TRRAP: variants seen among roughly 807,000 people sequenced by gnomAD.
TRRAP encodes the protein transformation/transcription domain associated protein, also known as transformation/transcription domain-associated protein.
In TRRAP, 41 loss-of-function variants were observed where a neutral mutation model predicts 438.8. The observed-to-expected ratio is 0.09, with a 90% CI of 0.07 to 0.12. The LOEUF (loss-of-function observed/expected upper bound fraction) is 0.12, where lower values mean the gene tolerates loss of function less well. Among genes scored for constraint, TRRAP ranks in the 10% least tolerant of loss-of-function variants. The probability of loss-of-function intolerance (pLI) is 1.00; values close to 1 mark genes in which losing one functional copy is unlikely to be tolerated. For missense variants in TRRAP, 3,122 were observed against 5,055.1 expected, an observed-to-expected ratio of 0.62 and a Z score of 11.60; for synonymous variants, 1,994 against 1,962.9, an observed-to-expected ratio of 1.02 and a Z score of -0.42.
chr7:98,962,560 C>T, intron 47 of TRRAP, 133 bp downstream of exon 47: 1 of 1,529,486 alleles, frequency 6.5e-7, no homozygotes. Flanking sequence ...GTTCAGGTGT[C>T]TGTTGCCTGG....
In TRRAP at chr7:99,006,961, G is replaced by A. The variant is rs996581733; in HGVS notation, c.10754-1416G>A. ...ACAGGCTCTGGAGTGGTCGCCCAGC[G>A]CTCCTGCCGCCTCCAGCTGACTCAG... On this transcript the variant is annotated intron_variant, in intron 69 of 72. Coordinates refer to ENST00000456197, the MANE Select transcript of TRRAP (RefSeq NM_001375524.1). Among the ~76,000 whole-genome samples the A allele has an allele frequency of 3.9e-5, 6 of 152,200 alleles. No homozygotes were observed. The East Asian group carries it at 5.8e-4, about 15-fold the overall frequency.
At chr7:98,999,912 C>T in intron 67 of TRRAP, 1 of 341,370 alleles carries the variant, frequency 2.9e-6, no homozygotes, top group East Asian at 5.9e-5. Flanking sequence ...CTGAGCTTCT[C>T]AGTCTTCTGA....
At chr7:98,959,663 C>T (rs926774719) in intron 45 of TRRAP, among the ~76,000 whole-genome samples, 173 bp downstream of exon 45, 3 of 152,158 alleles carry the variant, frequency 2.0e-5, no homozygotes, top group African/African-American at 7.2e-5. Flanking sequence ...CCACTGCTCT[C>T]TCCAGGGAGA....
intron 67 of TRRAP, among the ~76,000 whole-genome samples, chr7:99,002,417 A>C (rs531607013): frequency 1.3e-5 from 2 of 152,208 alleles, no homozygotes; most frequent in Non-Finnish European, 2.9e-5. Context: ...TTAGGAGTAC[A>C]TGGGACTTTC....
chr7:98,921,726 C>G (rs782483411), intron 20 of TRRAP, 27 bp from the exon 21 acceptor site: 2 of 1,613,232 alleles, frequency 1.2e-6, no homozygotes, highest in East Asian at 4.5e-5. Flanking sequence ...CTTAAGAGGA[C>G]CTTAATGAAA....
At chr7:98,944,481 T>C (rs1324236610) in intron 31 of TRRAP, among the ~76,000 whole-genome samples, 1 of 152,178 alleles carries the variant, frequency 6.6e-6, no homozygotes, top group Non-Finnish European at 1.5e-5. Flanking sequence ...ATTTTTATCC[T>C]GTGATTGTGT....
chr7:99,000,695 G>A (rs939928443), intron 67 of TRRAP, among the ~76,000 whole-genome samples: 1 of 152,222 alleles, frequency 6.6e-6, no homozygotes, highest in African/African-American at 2.4e-5. Flanking sequence ...ATCAGAGGGC[G>A]CTGTGTGGGC....
chr7:98,932,288 T>A (rs1352619670), intron 26 of TRRAP, among the ~76,000 whole-genome samples: 8 of 152,056 alleles, frequency 5.3e-5, no homozygotes, highest in Non-Finnish European at 7.4e-5. Context: ...TAATTTTTTG[T>A]ATTTTTAGTA....
At chr7:98,983,217 A>G in intron 59 of TRRAP, 47 bp from the exon 60 acceptor site, 3 of 1,518,258 alleles carry the variant, frequency 2.0e-6, no homozygotes, top group Non-Finnish European at 2.7e-6. Flanking sequence ...TTCCCGTTTG[A>G]TCTTTACTGA....
chr7:98,993,389 C>T, intron 65 of TRRAP, 149 bp from the exon 66 acceptor site: 2 of 827,872 alleles, frequency 2.4e-6, no homozygotes, highest in South Asian at 1.8e-5. Context: ...CCAGGGCCTT[C>T]TCCCACGCAG....
In TRRAP at chr7:99,012,443, A is replaced by G. The variant is rs949973961; in HGVS notation, c.*88A>G. 5 of 1,414,250 alleles carry G rather than the reference A, an allele frequency of 3.5e-6. No individual in the cohort carries two copies. In the South Asian group the frequency reaches 5.8e-5, roughly 16 times the overall value. The allele number at this position is 1,414,250 out of a possible 1,614,324, so 87.6% of individuals were successfully genotyped here. ...ACGACTTCTCCCTGCCTCGTTCCTTATATTCACAGAAGCCCCATAGTTTCA... is the reference window on the plus strand; with the variant it reads ...ACGACTTCTCCCTGCCTCGTTCCTTGTATTCACAGAAGCCCCATAGTTTCA... On this transcript the variant is annotated 3_prime_UTR_variant, in exon 73 of 73. Transcript: ENST00000456197. The surrounding 1 kb of genome is among the most constrained non-coding windows in gnomAD (Gnocchi z 5.9).
At chr7:98,917,373 C>G in intron 19 of TRRAP, 50 bp from the exon 20 acceptor site, 1 of 1,589,602 alleles carries the variant, frequency 6.3e-7, no homozygotes, top group Non-Finnish European at 8.6e-7. Flanking sequence ...CACCTGGGCC[C>G]GAGTCTGGGG....
intron 67 of TRRAP, chr7:98,999,794 A>G: frequency 1.8e-6 from 1 of 542,686 alleles, no homozygotes. Flanking sequence ...AATAACTTGA[A>G]GTTCTGTGGC....
chr7:98,928,345 C>T (rs1471595244), intron 23 of TRRAP, among the ~76,000 whole-genome samples: 1 of 152,214 alleles, frequency 6.6e-6, no homozygotes, highest in Non-Finnish European at 1.5e-5. Flanking sequence ...AGTCACAGTT[C>T]GTCTGCAGAC....
chr7:98,892,400 C>A (rs540896776), intron 4 of TRRAP, 24 bp from the exon 5 acceptor site: 1 of 1,572,872 alleles, frequency 6.4e-7, no homozygotes, highest in Admixed American at 1.7e-5. Flanking sequence ...TTTATCCTTA[C>A]ATTTATTTAT....
Position 98,943,015 on chromosome 7 carries a change from A to C in TRRAP, c.4471A>C (p.Asn1491His). The C allele has an allele frequency of 6.2e-7, 1 of 1,614,120 alleles. No homozygotes were observed. Among genetic ancestry groups the C allele is most frequent in the Non-Finnish European group, 8.5e-7 (1 of 1,180,010 alleles). The change falls in exon 31 of 73, where the codon AAC becomes CAC. Residue 1491 changes from asparagine to histidine, a missense_variant and splice_region_variant. Transcript: ENST00000456197. ...THKGGQRSDG[N>H]ESISECGRCP... Reference sequence around the variant, plus strand: ...CAAAGGGGGCCAGAGGAGCGACGGAAACGTGAGTGACTTGTTTGTTTCTGG... The same window carrying C: ...CAAAGGGGGCCAGAGGAGCGACGGACACGTGAGTGACTTGTTTGTTTCTGG...
intron 21 of TRRAP, 36 bp downstream of exon 21, chr7:98,921,989 T>C: frequency 6.2e-7 from 1 of 1,613,234 alleles, no homozygotes; most frequent in Non-Finnish European, 8.5e-7. Flanking sequence ...GTTTTAAGCC[T>C]TGTGAAGATA....
rs112365267 is a variant in TRRAP, at chr7:98,976,877, T to C, written c.8248-62T>C. On this transcript the variant is annotated intron_variant, in intron 55 of 72. Transcript: ENST00000456197. The surrounding 1 kb of genome is among the most constrained non-coding windows in gnomAD (Gnocchi z 4.6). Reference sequence around the variant, plus strand: ...TTCAAATGACAGCACAGTGAAACTATTTTTAGGGGGGAAAAAAAGTCTCTG... The same window carrying C: ...TTCAAATGACAGCACAGTGAAACTACTTTTAGGGGGGAAAAAAAGTCTCTG... 1,748 of 1,606,512 alleles carry C rather than the reference T, an allele frequency of 1.1e-3. 12 individuals carry two copies. The African/African-American group carries it at 0.016, about 15-fold the overall frequency.
At chr7:98,929,959 T>C in intron 23 of TRRAP, 30 bp from the exon 24 acceptor site, 2 of 1,610,104 alleles carry the variant, frequency 1.2e-6, no homozygotes, top group Non-Finnish European at 1.7e-6. Flanking sequence ...ACAAGACTGT[T>C]CTCACGTGCC....
Sources: gnomAD v4.1 joint callset for allele counts (sites outside exome capture counted in the v4.1 genomes callset) on GRCh38, gnomAD v4.1.1 for gene constraint, Gnocchi (gnomAD v3.1) non-coding constraint, MANE v1.5 for transcripts, NCBI Gene and HGNC (gene_info 2026-07-23, HGNC 2026-07-21) for gene names.